Variants in PCDHGB1 observed in about 807,000 individuals in gnomAD.
PCDHGB1 encodes the protein protocadherin gamma-B1.
Under a neutral mutation model 56.6 loss-of-function variants are expected in PCDHGB1, and 34 were observed. That is an observed-to-expected ratio of 0.60 (90% confidence interval 0.46 to 0.80). The LOEUF (loss-of-function observed/expected upper bound fraction) is 0.80. Ranked by LOEUF, PCDHGB1 falls within the 30% of genes least tolerant of loss-of-function variation. PCDHGB1 has a pLI of 0.00. For missense variants in PCDHGB1, 1,278 were observed against 1,204.6 expected (o/e 1.06, Z -0.90); for synonymous variants, 561 against 505.9 (o/e 1.11, Z -1.46).
chr5:141,489,999 G>C lies in PCDHGB1; in HGVS notation c.2410-4808G>C, dbSNP rs772783990. Reference sequence around the variant, plus strand: ...CAGTTCTACGTGTGGGAATCCCAGAGAATGCACCCATTGGTACTCTGCTGC... The same window carrying C: ...CAGTTCTACGTGTGGGAATCCCAGACAATGCACCCATTGGTACTCTGCTGC... On this transcript the variant is annotated intron_variant, in intron 1 of 3. Coordinates refer to ENST00000523390, the MANE Select transcript of PCDHGB1 (RefSeq NM_018922.3). This position sits in a 1 kb window ranked among gnomAD's most constrained non-coding sequence, Gnocchi z 4.5. 6.2e-7 allele frequency: 1 copy of C among 1,614,242 alleles called. No individual in the cohort carries two copies. Among genetic ancestry groups the C allele is most frequent in the East Asian group, 2.2e-5 (1 of 44,886 alleles).
intron 1 of PCDHGB1, chr5:141,433,007 C>T (rs550227016): frequency 1.2e-6 from 2 of 1,614,198 alleles, no homozygotes; most frequent in Admixed American, 3.3e-5. Context: ...GCAGGCTTTC[C>T]TGCAGACCTA....
intron 1 of PCDHGB1, chr5:141,364,603 C>G: frequency 6.2e-7 from 1 of 1,614,180 alleles, no homozygotes; most frequent in Non-Finnish European, 8.5e-7. Flanking sequence ...GCAGGATAGA[C>G]CGGGAGGAGC....
intron 1 of PCDHGB1, chr5:141,422,190 A>G (rs761351024): frequency 6.4e-7 from 1 of 1,561,412 alleles, no homozygotes. Flanking sequence ...TGGAAATTCA[A>G]GGCCAAGATG....
intron 1 of PCDHGB1, chr5:141,478,470 G>A (rs753075137): frequency 1.2e-6 from 2 of 1,613,686 alleles, no homozygotes; most frequent in Non-Finnish European, 1.7e-6. Context: ...CTGGCCAGCC[G>A]CCAGAACACG....
At chr5:141,504,696 G>T (rs2099840373) in intron 2 of PCDHGB1, among the ~76,000 whole-genome samples, 1 of 151,438 alleles carries the variant, frequency 6.6e-6, no homozygotes, top group African/African-American at 2.4e-5. Flanking sequence ...GGAGGGGCAG[G>T]TTCTTCTATG....
Position 141,374,782 on chromosome 5 carries a change from A to G in PCDHGB1, c.2409+22113A>G, listed in dbSNP as rs781674966. The G allele has an allele frequency of 1.9e-6, 3 of 1,613,904 alleles. No individual in the cohort carries two copies. The East Asian group carries it at 6.7e-5, about 36-fold the overall frequency. ...TCGCCCAAATTCTGGTAACAGTTCT[A>G]GATGTGAATGACAACACTCCAATGT... On this transcript the variant is annotated intron_variant, in intron 1 of 3. Coordinates refer to ENST00000523390, the MANE Select transcript of PCDHGB1 (RefSeq NM_018922.3).
intron 1 of PCDHGB1, chr5:141,383,069 G>A (rs370612007): frequency 6.2e-7 from 1 of 1,613,886 alleles, no homozygotes; most frequent in South Asian, 1.1e-5. Flanking sequence ...CTGGAGCCCC[G>A]GGAGCTGGCG....
intron 1 of PCDHGB1, among the ~76,000 whole-genome samples, chr5:141,463,135 C>T (rs1352400365): frequency 6.6e-6 from 1 of 152,246 alleles, no homozygotes; most frequent in Middle Eastern, 3.4e-3. Context: ...GGCAGTTCTT[C>T]GCCCAGCTGC....
intron 1 of PCDHGB1, chr5:141,383,154 C>A: frequency 6.2e-7 from 1 of 1,614,112 alleles, no homozygotes; most frequent in South Asian, 1.1e-5. Context: ...GCAGCTTGGT[C>A]ACTGCGGGCA....
rs770638374 is a variant in PCDHGB1 at position 141,409,524 on chromosome 5, A to G, written c.2409+56855A>G. On this transcript the variant is annotated intron_variant, in intron 1 of 3. Coordinates refer to ENST00000523390, the MANE Select transcript of PCDHGB1 (RefSeq NM_018922.3). ...TCTTCCAGTAGAAGCATCACCTTGTATGTCGCTGACATCAACGACAACGCC... is the reference window on the plus strand; with the variant it reads ...TCTTCCAGTAGAAGCATCACCTTGTGTGTCGCTGACATCAACGACAACGCC... 11 of 1,613,972 alleles carry G rather than the reference A, an allele frequency of 6.8e-6. No homozygotes were observed. In the South Asian group the frequency reaches 1.1e-4, roughly 16 times the overall value.
chr5:141,355,264 G>T lies in PCDHGB1; in HGVS notation c.2409+2595G>T, dbSNP rs201894028. ...GCTCCAGATCTGCCTTCTCCTGGGG[G>T]TTCTGGTGGAAATCAGGGCCGAACA... On this transcript the variant is annotated intron_variant, in intron 1 of 3. Transcript: ENST00000523390. 3.3e-4 allele frequency: 530 copies of T among 1,613,600 alleles called. 1 individual carries two copies. In the African/African-American group the frequency reaches 5.9e-3, roughly 18 times the overall value.
chr5:141,395,022 G>A lies in PCDHGB1; in HGVS notation c.2409+42353G>A, dbSNP rs2093150969. ...CGGTGGCAGATTGGTAGGCGTGCCT[G>A]CCTCACATTTTGTGGGTGTTGAGGA... On this transcript the variant is annotated intron_variant, in intron 1 of 3. Transcript: ENST00000523390. 1 of 1,614,128 alleles carries A rather than the reference G, an allele frequency of 6.2e-7. No homozygotes were observed. The highest frequency in any genetic ancestry group is 1.3e-5 in the African/African-American group (1 of 75,036).
At chr5:141,467,285 T>G (rs6870144) in intron 1 of PCDHGB1, among the ~76,000 whole-genome samples, 42,564 of 152,010 alleles carry the variant, frequency 0.28, 6,785 homozygotes, top group African/African-American at 0.45. Context: ...ACTCTTGACC[T>G]CAAGTGATCC....
chr5:141,487,616 G>T lies in PCDHGB1; in HGVS notation c.2410-7191G>T. The T allele has an allele frequency of 1.2e-6, 2 of 1,614,220 alleles. No homozygotes were observed. The highest frequency in any genetic ancestry group is 1.7e-6 in the Non-Finnish European group (2 of 1,180,044). ...CTCTGATCTTCTCTATGGGCTAGAGGTGAGACCTTTGCAGGCTCAACAAAT... is the reference window on the plus strand; with the variant it reads ...CTCTGATCTTCTCTATGGGCTAGAGTTGAGACCTTTGCAGGCTCAACAAAT... On this transcript the variant is annotated intron_variant, in intron 1 of 3. Coordinates refer to ENST00000523390, the MANE Select transcript of PCDHGB1 (RefSeq NM_018922.3). This position sits in a 1 kb window ranked among gnomAD's most constrained non-coding sequence, Gnocchi z 5.0.
chr5:141,431,460 A>C lies in PCDHGB1; in HGVS notation c.2410-63347A>C, dbSNP rs761879594. On this transcript the variant is annotated intron_variant, in intron 1 of 3. Coordinates refer to ENST00000523390, the MANE Select transcript of PCDHGB1 (RefSeq NM_018922.3). This position sits in a 1 kb window ranked among gnomAD's most constrained non-coding sequence, Gnocchi z 4.8. ...GCGCGCATCCGCGTGATGGTTCTGGATGCGAACGACAACGCACCAGCGTTT... is the reference window on the plus strand; with the variant it reads ...GCGCGCATCCGCGTGATGGTTCTGGCTGCGAACGACAACGCACCAGCGTTT... 8.1e-6 allele frequency: 13 copies of C among 1,613,676 alleles called. No individual in the cohort carries two copies. The highest frequency in any genetic ancestry group is 1.1e-5 in the Non-Finnish European group (13 of 1,179,984).
intron 1 of PCDHGB1, among the ~76,000 whole-genome samples, chr5:141,460,758 C>T (rs1292050905): frequency 6.6e-6 from 1 of 150,582 alleles, no homozygotes; most frequent in African/African-American, 2.4e-5. Context: ...TGTACATATA[C>T]ATATTGCATA....
At position 141,491,825 on chromosome 5, in the gene PCDHGB1, C is replaced by A. The variant is rs948385010; in HGVS notation, c.2410-2982C>A. ...CGGCTTGGTCGCTGGCTGCGCTCCA[C>A]CCGATTCTCGGGATCATTGGACCGT... On this transcript the variant is annotated intron_variant, in intron 1 of 3. Coordinates refer to ENST00000523390, the MANE Select transcript of PCDHGB1 (RefSeq NM_018922.3). This position sits in a 1 kb window ranked among gnomAD's most constrained non-coding sequence, Gnocchi z 6.9. 145 of 1,478,052 alleles carry A rather than the reference C, an allele frequency of 9.8e-5. No homozygotes were observed. Among genetic ancestry groups the A allele is most frequent in the Non-Finnish European group, 1.3e-4 (142 of 1,114,822 alleles). 91.6% of individuals were successfully genotyped at this position (1,478,052 alleles called of 1,614,324 possible). A position where few individuals can be genotyped will look rare whatever the true frequency, so the allele number is the denominator to read the frequency against.
chr5:141,389,006 C>G, intron 1 of PCDHGB1: 1 of 1,613,986 alleles, frequency 6.2e-7, no homozygotes, highest in South Asian at 1.1e-5. Context: ...ACAAGGATTC[C>G]AGACACAATG....
chr5:141,423,573 C>G, intron 1 of PCDHGB1: 1 of 1,613,488 alleles, frequency 6.2e-7, no homozygotes, highest in South Asian at 1.1e-5. Context: ...CGCTCATCAG[C>G]CAGGAGAGCT....
Sources: allele counts gnomAD v4.1 joint callset (sites outside exome capture counted in the v4.1 genomes callset), GRCh38; gene constraint gnomAD v4.1.1; non-coding constraint Gnocchi (gnomAD v3.1); transcripts MANE v1.5; gene names NCBI Gene and HGNC (gene_info 2026-07-23, HGNC 2026-07-21).